Variants in GRIP1 observed in about 807,000 individuals in gnomAD.
GRIP1 encodes the protein glutamate receptor interacting protein 1, also known as glutamate receptor-interacting protein 1.
In GRIP1, 45 loss-of-function variants were observed where a neutral mutation model predicts 129.9. The observed-to-expected ratio is 0.35, with a 90% CI of 0.27 to 0.44. GRIP1 has a LOEUF of 0.44. Among genes scored for constraint, GRIP1 ranks in the 20% least tolerant of loss-of-function variants. The probability of loss-of-function intolerance (pLI) is 1.00; values close to 1 mark genes in which losing one functional copy is unlikely to be tolerated. For synonymous variants in GRIP1, 530 were observed against 520.8 expected (o/e 1.02, Z -0.24); for missense variants, 1,196 against 1,396.8 (o/e 0.86, Z 2.29).
At chr12:66,633,517 GA>G (rs1419618172) in intron 1 of GRIP1, among the ~76,000 whole-genome samples, 2 of 152,026 alleles carry the variant, frequency 1.3e-5, no homozygotes, top group Non-Finnish European at 2.9e-5. Flanking sequence ...AAAAAATCCA[GA>G]AAGAGAATGT....
intron 1 of GRIP1, among the ~76,000 whole-genome samples, chr12:66,898,809 C>A (rs1379445797): frequency 6.6e-6 from 1 of 152,132 alleles, no homozygotes; most frequent in East Asian, 1.9e-4. Flanking sequence ...CAATAACTAC[C>A]TTGAAATTAC....
chr12:66,432,727 T>A, intron 13 of GRIP1, 99 bp from the exon 14 acceptor site: 1 of 673,944 alleles, frequency 1.5e-6, no homozygotes, highest in Non-Finnish European at 2.6e-6. Flanking sequence ...TAATCATATG[T>A]AGCTAAAACT....
At chr12:67,040,989 A>T (rs1022125270) in intron 1 of GRIP1, among the ~76,000 whole-genome samples, 1 of 152,002 alleles carries the variant, frequency 6.6e-6, no homozygotes, top group South Asian at 2.1e-4. Context: ...GGAACAAAAA[A>T]CTGACCTCCC....
chr12:66,821,870 G>A (rs140675853), intron 1 of GRIP1, among the ~76,000 whole-genome samples: 72 of 152,248 alleles, frequency 4.7e-4, no homozygotes, highest in Admixed American at 9.8e-4. Flanking sequence ...CTGCGATCAA[G>A]TCATATCTAA....
intron 23 of GRIP1, among the ~76,000 whole-genome samples, chr12:66,366,339 T>C (rs1265570799): frequency 6.6e-6 from 1 of 152,176 alleles, no homozygotes; most frequent in Admixed American, 6.5e-5. Flanking sequence ...ATTATACACA[T>C]TGAAAATGAC....
intron 1 of GRIP1, among the ~76,000 whole-genome samples, chr12:66,840,046 G>A (rs1022050392): frequency 6.6e-6 from 1 of 152,088 alleles, no homozygotes; most frequent in Non-Finnish European, 1.5e-5. Context: ...CCCAGGCTTT[G>A]GTCCTGCACT....
chr12:66,396,563 G>A (rs2056796024), intron 16 of GRIP1, among the ~76,000 whole-genome samples: 1 of 152,158 alleles, frequency 6.6e-6, no homozygotes, highest in Admixed American at 6.5e-5. Context: ...GTTTCAGGCT[G>A]CCTTATTTGG....
chr12:66,988,376 T>TTTTTTC (rs1019105978), intron 1 of GRIP1, among the ~76,000 whole-genome samples: 9 of 152,120 alleles, frequency 5.9e-5, no homozygotes, highest in Admixed American at 2.0e-4. Context: ...CTAGAAATTC[T>TTTTTTC]TTTTTCTTTT....
intron 1 of GRIP1, among the ~76,000 whole-genome samples, 198 bp downstream of exon 1, chr12:66,678,652 C>T (rs143059317): frequency 6.6e-6 from 1 of 151,892 alleles, no homozygotes; most frequent in Non-Finnish European, 1.5e-5. Flanking sequence ...AATTTCAGCA[C>T]GAACACAACC....
At chr12:67,032,311 A>T (rs1329935026) in intron 1 of GRIP1, among the ~76,000 whole-genome samples, 1 of 152,182 alleles carries the variant, frequency 6.6e-6, no homozygotes, top group Non-Finnish European at 1.5e-5. Context: ...TCCAGAAAGG[A>T]TGTGTAGTCA....
Position 66,724,433 on chromosome 12 carries a change from C to G in GRIP1, c.-420+79620G>C, listed in dbSNP as rs547197778. Reference sequence around the variant, plus strand: ...GCTAACTGAGGCACAGGAAATTTCACTGTATCACGGTTCCTTATTTCATCA... The same window carrying G: ...GCTAACTGAGGCACAGGAAATTTCAGTGTATCACGGTTCCTTATTTCATCA... On this transcript the variant is annotated intron_variant, in intron 1 of 4. Coordinates refer to the GRIP1 transcript ENST00000538373. Among the ~76,000 whole-genome samples the G allele has an allele frequency of 2.0e-5, 3 of 152,302 alleles. No homozygotes were observed. The South Asian group carries it at 6.2e-4, about 32-fold the overall frequency.
chr12:66,814,615 C>T (rs2039170980), intron 1 of GRIP1, among the ~76,000 whole-genome samples: 1 of 146,464 alleles, frequency 6.8e-6, no homozygotes, highest in African/African-American at 2.5e-5. Flanking sequence ...AAGCAATGAC[C>T]ATGTCTTAAT....
At chr12:66,663,465 G>A (rs1485250595) in intron 1 of GRIP1, among the ~76,000 whole-genome samples, 1 of 152,062 alleles carries the variant, frequency 6.6e-6, no homozygotes, top group African/African-American at 2.4e-5. Flanking sequence ...TAAATGTTAT[G>A]AGTTCAAATC....
chr12:66,971,286 T>A (rs2042072857), intron 1 of GRIP1, among the ~76,000 whole-genome samples: 2 of 152,244 alleles, frequency 1.3e-5, no homozygotes, highest in South Asian at 4.1e-4. Flanking sequence ...TACCAAGTTT[T>A]ACTTGCTCAG....
intron 1 of GRIP1, among the ~76,000 whole-genome samples, chr12:66,913,669 A>C (rs372782478): frequency 1.3e-5 from 2 of 152,296 alleles, no homozygotes; most frequent in Admixed American, 1.3e-4. Context: ...TAATAATGTG[A>C]CAACATAATC....
chr12:66,773,224 G>T (rs1260164584), intron 1 of GRIP1, among the ~76,000 whole-genome samples: 1 of 152,156 alleles, frequency 6.6e-6, no homozygotes, highest in Non-Finnish European at 1.5e-5. Context: ...ACAAAGAAAA[G>T]AACCAAATCA....
At chr12:66,461,347 G>C (rs1252395380) in intron 9 of GRIP1, among the ~76,000 whole-genome samples, 1 of 152,226 alleles carries the variant, frequency 6.6e-6, no homozygotes, top group Non-Finnish European at 1.5e-5. Flanking sequence ...GCACTACACA[G>C]TGTACATTCT....
At chr12:67,047,526 T>C (rs1317855099) in intron 1 of GRIP1, among the ~76,000 whole-genome samples, 1 of 152,170 alleles carries the variant, frequency 6.6e-6, no homozygotes, top group African/African-American at 2.4e-5. Flanking sequence ...TTTTAAAAAA[T>C]CATTTGGGGA....
chr12:66,698,695 C>T (rs949713102), intron 1 of GRIP1, among the ~76,000 whole-genome samples: 5 of 152,118 alleles, frequency 3.3e-5, no homozygotes, highest in Admixed American at 2.0e-4. Flanking sequence ...GGGTGGTCCT[C>T]CCACCCCATC....
Sources: gnomAD v4.1 joint callset for allele counts (sites outside exome capture counted in the v4.1 genomes callset) on GRCh38, gnomAD v4.1.1 for gene constraint, MANE v1.5 for transcripts, NCBI Gene and HGNC (gene_info 2026-07-23, HGNC 2026-07-21) for gene names.